HECTD4: variants seen among roughly 807,000 people sequenced by gnomAD.
The protein encoded by HECTD4 is HECT domain E3 ubiquitin protein ligase 4.
In HECTD4, 114 loss-of-function variants were observed where a neutral mutation model predicts 471.5. The observed-to-expected ratio is 0.24, with a 90% confidence interval of 0.21 to 0.28. HECTD4 has a LOEUF of 0.28. Ranked by LOEUF, HECTD4 falls within the 10% of genes least tolerant of loss-of-function variation. The pLI is 1.00. For synonymous variants in HECTD4, 2,012 were observed against 2,256.0 expected (o/e 0.89, Z 3.07); for missense variants, 3,866 against 5,651.5 (o/e 0.68, Z 10.13).
rs759075692 is a variant in HECTD4 at position 112,195,055 on chromosome 12, C to T, written c.8579G>A (p.Arg2860His). ...CAGCCTGGCCAGCGCAGCCTCGCAG[C>T]GCAGCAGCTCCCTGCAAGGGAAAAG... ...TNLQIHRELLRCEAALARLYC... is the reference protein window; with the variant it reads ...TNLQIHRELLHCEAALARLYC... Residue 2860 changes from arginine (R) to histidine (H), a missense_variant, in exon 56 of 76, where the codon CGC (arginine) becomes CAC (histidine). Physicochemically the swap from Arg to His is conservative, Grantham distance 29. Around this residue, in one of 16 missense-constraint regions of HECTD4, gnomAD observed 266 missense variants for 441.6 expected, o/e 0.60. Coordinates refer to ENST00000682272, the MANE Select transcript of HECTD4 (RefSeq NM_001388303.1). The T allele has an allele frequency of 1.3e-5, 20 of 1,598,664 alleles. No individual in the cohort carries two copies. The highest frequency in any genetic ancestry group is 2.3e-5 in the East Asian group (1 of 44,168).
In HECTD4 at chr12:112,309,655, G is replaced by C; in HGVS notation, c.931C>G (p.Arg311Gly). Residue 311 changes from arginine to glycine, a missense_variant, in exon 5 of 76, where the codon CGC becomes GGC. Arg to Gly is a moderately radical substitution (Grantham distance 125). Around this residue, in one of 16 missense-constraint regions of HECTD4, gnomAD observed 440 missense variants for 636.0 expected, o/e 0.69. Transcript: ENST00000682272. ...TAAAGACCATCTGCCGTGAGACAGCGTCCCAAGTCAGCATCTGAAATCGTT... is the reference window on the plus strand; with the variant it reads ...TAAAGACCATCTGCCGTGAGACAGCCTCCCAAGTCAGCATCTGAAATCGTT... ...SSENKDADLG[R>G]CLTADGLYLY... The C allele has an allele frequency of 6.6e-7, 1 of 1,522,014 alleles. No homozygotes were observed. Among genetic ancestry groups the C allele is most frequent in the Non-Finnish European group, 8.8e-7 (1 of 1,136,280 alleles). 94.3% of individuals were successfully genotyped at this position (1,522,014 alleles called of 1,614,324 possible). A position where few individuals can be genotyped will look rare whatever the true frequency, so the allele number is the denominator to read the frequency against.
intron 7 of HECTD4, among the ~76,000 whole-genome samples, chr12:112,292,416 T>C (rs1395289915): frequency 1.3e-5 from 2 of 152,214 alleles, no homozygotes; most frequent in Non-Finnish European, 2.9e-5. Flanking sequence ...ATTGCTTTAC[T>C]TCATCTTCCT....
chr12:112,249,628 G>A (rs949416137), intron 25 of HECTD4: 4 of 155,458 alleles, frequency 2.6e-5, no homozygotes, highest in African/African-American at 9.7e-5. Flanking sequence ...GCAGAGGCCT[G>A]CAAAACAGAC....
intron 61 of HECTD4, 83 bp from the exon 62 acceptor site, chr12:112,183,349 C>G: frequency 9.5e-7 from 1 of 1,054,816 alleles, no homozygotes; most frequent in Non-Finnish European, 1.4e-6. Flanking sequence ...CCCACCTTTT[C>G]CTGGAAACCC....
intron 1 of HECTD4, among the ~76,000 whole-genome samples, chr12:112,343,194 T>TA (rs2135728365): frequency 6.6e-6 from 1 of 152,334 alleles, no homozygotes; most frequent in South Asian, 2.1e-4. Flanking sequence ...CACTTAGGCT[T>TA]AAACATATTT....
intron 44 of HECTD4, among the ~76,000 whole-genome samples, chr12:112,223,772 C>T (rs1421156905): frequency 6.6e-6 from 1 of 152,140 alleles, no homozygotes; most frequent in Non-Finnish European, 1.5e-5. Context: ...CTCCCTAGAT[C>T]AAATGGAATC....
At chr12:112,313,417 C>T (rs933799794) in intron 3 of HECTD4, among the ~76,000 whole-genome samples, 5 of 149,440 alleles carry the variant, frequency 3.3e-5, no homozygotes, top group South Asian at 4.2e-4. Flanking sequence ...TGGGTTCAAG[C>T]GATTCTCCTG....
intron 39 of HECTD4, 87 bp downstream of exon 39, chr12:112,231,426 T>C (rs1158711225): frequency 8.7e-6 from 11 of 1,269,976 alleles, no homozygotes; most frequent in Non-Finnish European, 1.3e-5. Flanking sequence ...GTCAAGGGGA[T>C]GGTAGAAAAT....
Position 112,239,583 on chromosome 12 carries a change from T to C in HECTD4, c.5105+298A>G, listed in dbSNP as rs538616659. Among the ~76,000 whole-genome samples, 1 of 152,350 alleles carries C rather than the reference T, an allele frequency of 6.6e-6. No homozygotes were observed. The highest frequency in any genetic ancestry group is 2.4e-5 in the African/African-American group (1 of 41,590). ...TGACCCAAGAGAGGAAATAAATGTA[T>C]ATATGCAAAATATTTCTGCCAAATA... On this transcript the variant is annotated intron_variant, in intron 33 of 75. Coordinates refer to ENST00000682272, the MANE Select transcript of HECTD4 (RefSeq NM_001388303.1). The surrounding 1 kb of genome is among the most constrained non-coding windows in gnomAD (Gnocchi z 4.9).
intron 60 of HECTD4, among the ~76,000 whole-genome samples, chr12:112,190,178 G>T (rs886649592): frequency 1.3e-5 from 2 of 152,202 alleles, no homozygotes; most frequent in African/African-American, 2.4e-5. Context: ...ACATGTTGCT[G>T]TATTTCCTCT....
chr12:112,182,620 C>T (rs958112470), intron 62 of HECTD4, among the ~76,000 whole-genome samples: 11 of 152,200 alleles, frequency 7.2e-5, no homozygotes, highest in African/African-American at 2.7e-4. Flanking sequence ...GCACTTGAAC[C>T]AGGGGAAGGC....
intron 1 of HECTD4, among the ~76,000 whole-genome samples, chr12:112,337,220 A>T (rs1245418781): frequency 6.6e-6 from 1 of 152,216 alleles, no homozygotes; most frequent in Non-Finnish European, 1.5e-5. Context: ...TCAAATGAGA[A>T]AATGCATTTA....
chr12:112,346,952 A>C (rs1407859702), intron 1 of HECTD4, among the ~76,000 whole-genome samples: 1 of 152,164 alleles, frequency 6.6e-6, no homozygotes, highest in Non-Finnish European at 1.5e-5. Flanking sequence ...GCCCAAGGCA[A>C]ATTGGAGAAT....
chr12:112,327,153 C>A lies in HECTD4; in HGVS notation c.178-7411G>T, dbSNP rs1434305762. Among the ~76,000 whole-genome samples, 5 of 152,024 alleles carry A rather than the reference C, an allele frequency of 3.3e-5. No homozygotes were observed. In the East Asian group the frequency reaches 9.6e-4, roughly 29 times the overall value. On this transcript the variant is annotated intron_variant, in intron 1 of 75. Coordinates refer to ENST00000682272, the MANE Select transcript of HECTD4 (RefSeq NM_001388303.1). ...CCAGCCTGGTGAAACCCCGTCTCTA[C>A]TAAGAATACAAAAATTAGCCGGGTG...
rs1186383499 is a variant in HECTD4, at chr12:112,163,381, G to C, written c.12898-117C>G. On this transcript the variant is annotated intron_variant, in intron 74 of 75. Coordinates refer to ENST00000682272, the MANE Select transcript of HECTD4 (RefSeq NM_001388303.1). This position sits in a 1 kb window ranked among gnomAD's most constrained non-coding sequence, Gnocchi z 8.2. ...TGGGGCAGGGTGCAACGTGTGGGCT[G>C]TGAGCACAGGGAGATGACAATGATG... The C allele has an allele frequency of 2.7e-6, 3 of 1,096,638 alleles. No homozygotes were observed. Among genetic ancestry groups the C allele is most frequent in the African/African-American group, 3.2e-5 (2 of 63,208 alleles). 67.9% of individuals were successfully genotyped at this position (1,096,638 alleles called of 1,614,324 possible).
chr12:112,170,043 T>C (rs2031151441), intron 69 of HECTD4: 1 of 544,002 alleles, frequency 1.8e-6, no homozygotes, highest in Admixed American at 3.1e-5. Context: ...TTTCCTTTGA[T>C]GCTGGAATCC....
intron 7 of HECTD4, chr12:112,302,443 C>T: frequency 1.3e-6 from 1 of 753,806 alleles, no homozygotes; most frequent in Non-Finnish European, 2.4e-6. Flanking sequence ...TAGCAGGAGG[C>T]ACTTTCAGCT....
chr12:112,282,126 G>A (rs1594007650), intron 8 of HECTD4, among the ~76,000 whole-genome samples: 1 of 152,246 alleles, frequency 6.6e-6, no homozygotes, highest in East Asian at 1.9e-4. Context: ...GCTCACGCCT[G>A]TAATCCCAGC....
chr12:112,170,475 G>A, intron 68 of HECTD4, 23 bp from the exon 69 acceptor site: 1 of 1,612,360 alleles, frequency 6.2e-7, no homozygotes, highest in Non-Finnish European at 8.5e-7. Flanking sequence ...ACGTGGGAGA[G>A]GCTTGGGTGG....
Sources: allele counts gnomAD v4.1 joint callset (sites outside exome capture counted in the v4.1 genomes callset), GRCh38; gene constraint gnomAD v4.1.1; regional missense constraint gnomAD v4.1.1; non-coding constraint Gnocchi (gnomAD v3.1); transcripts MANE v1.5; gene names NCBI Gene and HGNC (gene_info 2026-07-23, HGNC 2026-07-21).